The following SPSB1 variants were observed in gnomAD, a reference collection of about 807,000 sequenced individuals.
The protein encoded by SPSB1 is splA/ryanodine receptor domain and SOCS box containing 1, also known as SPRY domain-containing SOCS box protein 1.
SPSB1 carries 8 observed loss-of-function variants against 21.2 expected under a neutral mutation model. The observed-to-expected ratio is 0.38, with a 90% CI of 0.22 to 0.68. The LOEUF (loss-of-function observed/expected upper bound fraction) is 0.68, where lower values mean the gene tolerates loss of function less well. Ranked by LOEUF, SPSB1 falls within the 30% of genes least tolerant of loss-of-function variation. The probability of loss-of-function intolerance (pLI) is 0.53; values close to 1 mark genes in which losing one functional copy is unlikely to be tolerated. For synonymous variants in SPSB1, 169 were observed against 161.7 expected (o/e 1.05, Z -0.34); for missense variants, 242 against 377.8 (o/e 0.64, Z 2.98).
intron 2 of SPSB1, among the ~76,000 whole-genome samples, chr1:9,361,151 ATTTTCT>A (rs1640466620): frequency 1.5e-5 from 1 of 66,158 alleles, no homozygotes. Context: ...TGGATCTGTC[ATTTTCT>A]TTTTTTTTTT....
At chr1:9,361,694 C>G (rs370001085) in intron 2 of SPSB1, among the ~76,000 whole-genome samples, 13 of 152,360 alleles carry the variant, frequency 8.5e-5, no homozygotes, top group African/African-American at 2.9e-4. Flanking sequence ...CCTCAAGGCT[C>G]GAGGCACAAG....
chr1:9,302,877 C>T (rs369811778), intron 1 of SPSB1, among the ~76,000 whole-genome samples: 2 of 152,154 alleles, frequency 1.3e-5, no homozygotes, highest in East Asian at 1.9e-4. Flanking sequence ...AGTGGCACTG[C>T]GCATCATATC....
At chr1:9,333,759 G>C (rs1005116536) in intron 1 of SPSB1, among the ~76,000 whole-genome samples, 1 of 152,020 alleles carries the variant, frequency 6.6e-6, no homozygotes, top group Admixed American at 6.6e-5. Flanking sequence ...AAGGAAACGA[G>C]GTTGCCAAAG....
intron 1 of SPSB1, among the ~76,000 whole-genome samples, chr1:9,316,749 C>T (rs777094143): frequency 3.9e-5 from 6 of 152,208 alleles, no homozygotes; most frequent in East Asian, 3.8e-4. Flanking sequence ...GAGACCGCCC[C>T]GGAAGCGGCA....
At position 9,356,579 on chromosome 1, in the gene SPSB1, C is replaced by CTCGA; in HGVS notation, c.692_694+1dup. On this transcript the variant is annotated frameshift_variant, in exon 2 of 3. Coordinates refer to ENST00000328089, the MANE Select transcript of SPSB1 (RefSeq NM_025106.4). LOFTEE classifies it high-confidence loss of function. The surrounding 1 kb of genome is among the most constrained non-coding windows in gnomAD (Gnocchi z 7.4). ...GATCCGAATGCGCTACTTGAACGGACTCGATCGTAAGTGTCTCCTCTGCTG... is the reference window on the plus strand; with the variant it reads ...GATCCGAATGCGCTACTTGAACGGACTCGATCGATCGTAAGTGTCTCCTCTGCTG... 6.3e-7 allele frequency: 1 copy of CTCGA among 1,586,494 alleles called. No homozygotes were observed. Among genetic ancestry groups the CTCGA allele is most frequent in the Non-Finnish European group, 8.6e-7 (1 of 1,161,806 alleles).
chr1:9,356,638 C>CCTGG lies in SPSB1; in HGVS notation c.694+58_694+61dup. Reference sequence around the variant, plus strand: ...AATGCCCTCCCTCAGTCCCCATGGTCCTGGCTGGGCTCAGGCCAAAAGTTG... The same window carrying CCTGG: ...AATGCCCTCCCTCAGTCCCCATGGTCCTGGCTGGCTGGGCTCAGGCCAAAAGTTG... On this transcript the variant is annotated intron_variant, in intron 2 of 2. Transcript: ENST00000328089. The surrounding 1 kb of genome is among the most constrained non-coding windows in gnomAD (Gnocchi z 7.4). 1 of 1,530,156 alleles carries CCTGG rather than the reference C, an allele frequency of 6.5e-7. No individual in the cohort carries two copies. The highest frequency in any genetic ancestry group is 8.8e-7 in the Non-Finnish European group (1 of 1,139,394). The allele number at this position is 1,530,156 out of a possible 1,614,324, so 94.8% of individuals were successfully genotyped here. A position where few individuals can be genotyped will look rare whatever the true frequency, so the allele number is the denominator to read the frequency against.
At chr1:9,364,308 A>G (rs1470191562) in intron 2 of SPSB1, among the ~76,000 whole-genome samples, 2 of 152,272 alleles carry the variant, frequency 1.3e-5, no homozygotes, top group African/African-American at 4.8e-5. Context: ...TCCTCTGTGC[A>G]GAAGACCTAC....
At chr1:9,328,068 G>A (rs888207912) in intron 1 of SPSB1, among the ~76,000 whole-genome samples, 2 of 152,208 alleles carry the variant, frequency 1.3e-5, no homozygotes, top group African/African-American at 4.8e-5. Flanking sequence ...CAGAGAGTTC[G>A]CTTAGCTGGA....
chr1:9,295,644 G>C (rs557493779), intron 1 of SPSB1, among the ~76,000 whole-genome samples: 1 of 152,298 alleles, frequency 6.6e-6, no homozygotes, highest in East Asian at 1.9e-4. Context: ...GGAATGGGGT[G>C]GGGGCCTAGC....
intron 1 of SPSB1, among the ~76,000 whole-genome samples, chr1:9,311,782 T>A (rs1639525329): frequency 6.6e-6 from 1 of 152,088 alleles, no homozygotes; most frequent in African/African-American, 2.4e-5. Flanking sequence ...GTGTTTGGGA[T>A]GGGACCTCTA....
chr1:9,299,949 G>A (rs1234763823), intron 1 of SPSB1, among the ~76,000 whole-genome samples: 2 of 130,982 alleles, frequency 1.5e-5, no homozygotes, highest in East Asian at 4.6e-4. Context: ...GGGCAACAGA[G>A]TAAGACCCTG....
At chr1:9,307,737 G>T (rs1639443614) in intron 1 of SPSB1, among the ~76,000 whole-genome samples, 1 of 152,186 alleles carries the variant, frequency 6.6e-6, no homozygotes, top group Non-Finnish European at 1.5e-5. Flanking sequence ...CAGCGATCTT[G>T]TTACTTATTT....
chr1:9,323,403 C>T (rs1639757815), intron 1 of SPSB1, among the ~76,000 whole-genome samples: 1 of 152,206 alleles, frequency 6.6e-6, no homozygotes. Flanking sequence ...GCTGTGGAGC[C>T]TCCCTCGCGG....
At position 9,321,305 on chromosome 1, in the gene SPSB1, ACTC is replaced by A. The variant is rs1327589428; in HGVS notation, c.-150+28237_-150+28239del. Among the ~76,000 whole-genome samples, 2 of 151,876 alleles carry A rather than the reference ACTC, an allele frequency of 1.3e-5. No homozygotes were observed. The highest frequency in any genetic ancestry group is 4.8e-5 in the African/African-American group (2 of 41,298). On this transcript the variant is annotated intron_variant, in intron 1 of 2. Transcript: ENST00000328089. This position sits in a 1 kb window ranked among gnomAD's most constrained non-coding sequence, Gnocchi z 4.8. The stretch of plus-strand genomic sequence containing the variant: ...ATGGCACATCCAGGGTGAAGGAAGA[ACTC>A]CTTACAGAGAAAGCCCGTGTGTGTG...
chr1:9,356,701 A>T lies in SPSB1; in HGVS notation c.694+116A>T. The T allele has an allele frequency of 2.8e-6, 4 of 1,447,274 alleles. No individual in the cohort carries two copies. Among genetic ancestry groups the T allele is most frequent in the Non-Finnish European group, 3.6e-6 (4 of 1,101,796 alleles). The allele number at this position is 1,447,274 out of a possible 1,614,324, so 89.7% of individuals were successfully genotyped here. On this transcript the variant is annotated intron_variant, in intron 2 of 2. Coordinates refer to ENST00000328089, the MANE Select transcript of SPSB1 (RefSeq NM_025106.4). The surrounding 1 kb of genome is among the most constrained non-coding windows in gnomAD (Gnocchi z 7.4). ...TAGAGTGTTTTGAAGACGATATTCC[A>T]GTGTATTCAGACCCTCAGAGGCAAC...
chr1:9,356,431 C>T lies in SPSB1; in HGVS notation c.540C>T (p.Ala180=). The part of the protein sequence containing the change: ...TFIVPDSFLV[A]LDMDDGTLSF... ...TTGTCCCTGACTCCTTCCTGGTAGCCCTGGACATGGACGACGGGACTCTGA... is the reference window on the plus strand; with the variant it reads ...TTGTCCCTGACTCCTTCCTGGTAGCTCTGGACATGGACGACGGGACTCTGA... Residue 180 remains alanine (A), a synonymous_variant, in exon 2 of 3, where the codon GCC becomes GCT. Coordinates refer to ENST00000328089, the MANE Select transcript of SPSB1 (RefSeq NM_025106.4). The surrounding 1 kb of genome is among the most constrained non-coding windows in gnomAD (Gnocchi z 7.4). 6.2e-7 allele frequency: 1 copy of T among 1,614,108 alleles called. No homozygotes were observed. The highest frequency in any genetic ancestry group is 8.5e-7 in the Non-Finnish European group (1 of 1,180,034).
At chr1:9,296,741 C>T (rs1478060471) in intron 1 of SPSB1, among the ~76,000 whole-genome samples, 2 of 152,228 alleles carry the variant, frequency 1.3e-5, no homozygotes, top group Non-Finnish European at 1.5e-5. Flanking sequence ...TTGACTGTTA[C>T]TCTATGCGGG....
chr1:9,316,484 G>T (rs1370110797), intron 1 of SPSB1, among the ~76,000 whole-genome samples: 3 of 152,230 alleles, frequency 2.0e-5, no homozygotes, highest in African/African-American at 7.2e-5. Context: ...GACTTTGATG[G>T]GCACGTAGGG....
At chr1:9,357,164 G>C (rs937625494) in intron 2 of SPSB1, among the ~76,000 whole-genome samples, 19 of 148,022 alleles carry the variant, frequency 1.3e-4, no homozygotes, top group Non-Finnish European at 2.7e-4. Flanking sequence ...TGGATGGGTG[G>C]ATGGATGGGT....
Sources: allele counts gnomAD v4.1 joint callset (sites outside exome capture counted in the v4.1 genomes callset), GRCh38; gene constraint gnomAD v4.1.1; non-coding constraint Gnocchi (gnomAD v3.1); transcripts MANE v1.5; gene names NCBI Gene and HGNC (gene_info 2026-07-23, HGNC 2026-07-21).